FAM180A: variants seen among roughly 807,000 people sequenced by gnomAD.
FAM180A encodes the protein protein FAM180A.
Under a neutral mutation model 15.3 loss-of-function variants are expected in FAM180A, and 14 were observed. That is an observed-to-expected ratio of 0.92 (90% CI 0.61 to 1.43). The LOEUF (loss-of-function observed/expected upper bound fraction) is 1.43. Ranked by LOEUF, FAM180A falls within the 40% of genes most tolerant of loss-of-function variation. The pLI is 0.00. For missense variants in FAM180A, 200 were observed against 220.8 expected, an observed-to-expected ratio of 0.91 and a Z score of 0.60; for synonymous variants, 90 against 96.8, an observed-to-expected ratio of 0.93 and a Z score of 0.41.
intron 1 of FAM180A, among the ~76,000 whole-genome samples, chr7:135,747,120 A>G (rs1017672339): frequency 5.9e-5 from 9 of 152,134 alleles, no homozygotes; most frequent in Admixed American, 5.9e-4. Flanking sequence ...AAATAAGTAA[A>G]TAAATAACAA....
At chr7:135,747,190 G>A (rs1315001182) in intron 1 of FAM180A, among the ~76,000 whole-genome samples, 1 of 152,168 alleles carries the variant, frequency 6.6e-6, no homozygotes, top group African/African-American at 2.4e-5. Context: ...AAATGCTTGA[G>A]GGGATGGATA....
intron 1 of FAM180A, among the ~76,000 whole-genome samples, chr7:135,741,595 G>A (rs1043161920): frequency 1.1e-4 from 17 of 152,118 alleles, no homozygotes; most frequent in Admixed American, 7.2e-4. Flanking sequence ...AAGCTGAGGC[G>A]GGTGGATAAC....
intron 3 of FAM180A, among the ~76,000 whole-genome samples, chr7:135,732,726 C>A (rs892113746): frequency 2.8e-5 from 3 of 107,898 alleles, no homozygotes; most frequent in African/African-American, 1.1e-4. Flanking sequence ...CACACACACA[C>A]ACACACACAC....
At position 135,730,275 on chromosome 7, in the gene FAM180A, C is replaced by T. The variant is rs981520729; in HGVS notation, c.*336G>A. 4 of 985,104 alleles carry T rather than the reference C, an allele frequency of 4.1e-6. No homozygotes were observed. Among genetic ancestry groups the T allele is most frequent in the Non-Finnish European group, 4.8e-6 (4 of 829,738 alleles). The allele number at this position is 985,104 out of a possible 1,614,324, so 61.0% of individuals were successfully genotyped here. On this transcript the variant is annotated 3_prime_UTR_variant, in exon 4 of 4. Transcript: ENST00000338588. ...TTAGATCCTGGGCCAGGCACGGTGG[C>T]TCACGCCTGTAATCCTAGCATTTTG...
At chr7:135,737,276 G>A (rs1011736138) in intron 1 of FAM180A, 77 bp from the exon 2 acceptor site, 50 of 1,156,146 alleles carry the variant, frequency 4.3e-5, no homozygotes, top group Non-Finnish European at 5.6e-5. Flanking sequence ...CTTGAAGGTA[G>A]TCAAGGAGTC....
At chr7:135,743,359 C>T (rs1796983228) in intron 1 of FAM180A, among the ~76,000 whole-genome samples, 1 of 151,942 alleles carries the variant, frequency 6.6e-6, no homozygotes, top group East Asian at 1.9e-4. Flanking sequence ...CGCCACCATG[C>T]CTGGCTAATT....
At chr7:135,737,247 CCTT>C in intron 1 of FAM180A, 48 bp from the exon 2 acceptor site, 1 of 1,395,798 alleles carries the variant, frequency 7.2e-7, no homozygotes, top group Non-Finnish European at 9.7e-7. Context: ...TGCGCCCAGA[CCTT>C]CTCCCTCTGA....
At chr7:135,741,169 C>A (rs1796943999) in intron 1 of FAM180A, among the ~76,000 whole-genome samples, 1 of 152,186 alleles carries the variant, frequency 6.6e-6, no homozygotes, top group African/African-American at 2.4e-5. Flanking sequence ...CCAGAGGTAC[C>A]CCTAGTTCTC....
At chr7:135,743,218 CTTTTTTT>C (rs10605354) in intron 1 of FAM180A, among the ~76,000 whole-genome samples, 2 of 113,198 alleles carry the variant, frequency 1.8e-5, no homozygotes, top group Non-Finnish European at 1.8e-5. Flanking sequence ...CTCATTGTTC[CTTTTTTT>C]TTTTTTTTTT....
rs561110426 is a variant in FAM180A, at chr7:135,739,902, C to T, written c.77-2703G>A. ...CCCGTGGCAGAGCCTGGCAGGCTTC[C>T]GGGGTGTGCGCTGGGCATAGCTGTT... is the stretch of plus-strand genomic sequence containing the variant. On this transcript the variant is annotated intron_variant, in intron 1 of 3. Transcript: ENST00000338588. Among the ~76,000 whole-genome samples the T allele has an allele frequency of 3.9e-4, 59 of 152,220 alleles. 2 individuals carry two copies. Among genetic ancestry groups the T allele is most frequent in the East Asian group, 1.4e-3 (7 of 5,180 alleles).
At chr7:135,748,407 G>T in intron 1 of FAM180A, 98 bp downstream of exon 1, 1 of 872,098 alleles carries the variant, frequency 1.1e-6, no homozygotes, top group South Asian at 1.4e-5. Flanking sequence ...GACAAAAGGA[G>T]AGTGCGGGGC....
At chr7:135,735,933 C>T (rs1796863528) in intron 2 of FAM180A, among the ~76,000 whole-genome samples, 1 of 151,844 alleles carries the variant, frequency 6.6e-6, no homozygotes, top group Non-Finnish European at 1.5e-5. Flanking sequence ...GAACTCCTGA[C>T]CTCAGGTGAT....
intron 1 of FAM180A, among the ~76,000 whole-genome samples, chr7:135,747,015 G>A (rs1197850803): frequency 5.9e-5 from 9 of 152,190 alleles, no homozygotes; most frequent in African/African-American, 2.2e-4. Context: ...CACGAGAATC[G>A]CTTGAACCTG....
At chr7:135,737,238 G>A (rs759421478) in intron 1 of FAM180A, 39 bp from the exon 2 acceptor site, 2 of 1,463,316 alleles carry the variant, frequency 1.4e-6, no homozygotes, top group African/African-American at 2.8e-5. Flanking sequence ...GCTGCTGTGT[G>A]CGCCCAGACC....
At chr7:135,735,256 A>G (rs1796854767) in intron 2 of FAM180A, among the ~76,000 whole-genome samples, 1 of 152,230 alleles carries the variant, frequency 6.6e-6, no homozygotes, top group Non-Finnish European at 1.5e-5. Flanking sequence ...AAAAGTCAAG[A>G]AGTACATCCT....
Position 135,748,691 on chromosome 7 carries a change from T to A in FAM180A, c.-111A>T. 2 of 847,672 alleles carry A rather than the reference T, an allele frequency of 2.4e-6. No individual in the cohort carries two copies. Among genetic ancestry groups the A allele is most frequent in the Non-Finnish European group, 4.0e-6 (2 of 499,270 alleles). 52.5% of individuals were successfully genotyped at this position (847,672 alleles called of 1,614,324 possible). ...GAGATGATGGAGTGCTTCCCTCCCT[T>A]CCTTTTGCAGACGTGCAGAAATGCC... is the stretch of plus-strand genomic sequence containing the variant. On this transcript the variant is annotated 5_prime_UTR_variant, in exon 1 of 4. Coordinates refer to ENST00000338588, the MANE Select transcript of FAM180A (RefSeq NM_205855.4).
intron 1 of FAM180A, 57 bp from the exon 2 acceptor site, chr7:135,737,256 T>G: frequency 3.0e-6 from 4 of 1,343,088 alleles, no homozygotes; most frequent in Non-Finnish European, 4.1e-6. Flanking sequence ...ACCTTCTCCC[T>G]CTGATCCACC....
intron 1 of FAM180A, among the ~76,000 whole-genome samples, chr7:135,747,334 T>C (rs1477100837): frequency 4.6e-5 from 7 of 152,096 alleles, no homozygotes; most frequent in Non-Finnish European, 1.0e-4. Context: ...TACGTGTGTA[T>C]GTGCATGTGT....
chr7:135,736,962 A>G lies in FAM180A; in HGVS notation c.177+137T>C, dbSNP rs193179853. The G allele has an allele frequency of 1.8e-4, 122 of 696,190 alleles. No homozygotes were observed. In the Middle Eastern group the frequency reaches 7.0e-3, roughly 40 times the overall value. 43.1% of individuals were successfully genotyped at this position (696,190 alleles called of 1,614,324 possible). On this transcript the variant is annotated intron_variant, in intron 2 of 3. Coordinates refer to ENST00000338588, the MANE Select transcript of FAM180A (RefSeq NM_205855.4). ...AATGAGTAGGTTCTATGACCTCTAC[A>G]AATTAGGCTATTCCCTACCACAGCA...
Sources: gnomAD v4.1 joint callset for allele counts (sites outside exome capture counted in the v4.1 genomes callset) on GRCh38, gnomAD v4.1.1 for gene constraint, MANE v1.5 for transcripts, NCBI Gene and HGNC (gene_info 2026-07-23, HGNC 2026-07-21) for gene names.